Variants in DPH6 observed in about 807,000 individuals in gnomAD.
DPH6 encodes diphthamine biosynthesis 6, also known as diphthine--ammonia ligase.
In DPH6, 33 loss-of-function variants were observed where a neutral mutation model predicts 38.2. The observed-to-expected ratio is 0.86, with a 90% CI of 0.65 to 1.15. DPH6 has a LOEUF of 1.15. Ranked by LOEUF, DPH6 falls within the 50% of genes most tolerant of loss-of-function variation. DPH6 has a pLI of 0.00. For missense variants in DPH6, 325 were observed against 320.0 expected (o/e 1.02, Z -0.12); for synonymous variants, 108 against 103.0 (o/e 1.05, Z -0.30).
chr15:35,333,081 G>A (rs1238969555), intron 3 of DPH6, among the ~76,000 whole-genome samples: 1 of 142,138 alleles, frequency 7.0e-6, no homozygotes, highest in Non-Finnish European at 1.5e-5. Flanking sequence ...AAGAAATGGA[G>A]AATCAGGAAG....
chr15:35,218,201 C>T (rs2051421202), exon 4 of DPH6: 1 of 152,178 alleles, frequency 6.6e-6, no homozygotes, highest in Non-Finnish European at 1.5e-5. Context: ...CAAAAATCCT[C>T]AGACACAATC....
At chr15:35,406,022 G>A (rs1056592086) in intron 6 of DPH6, among the ~76,000 whole-genome samples, 17 of 151,980 alleles carry the variant, frequency 1.1e-4, no homozygotes, top group Middle Eastern at 3.4e-3. Flanking sequence ...CGCACGTATC[G>A]CATGTTTTAA....
intron 3 of DPH6, among the ~76,000 whole-genome samples, chr15:35,349,150 T>A (rs1300431473): frequency 6.6e-6 from 1 of 152,162 alleles, no homozygotes; most frequent in Non-Finnish European, 1.5e-5. Flanking sequence ...CTCTTTTATT[T>A]CTTTTTCTTG....
the DPH6 span, among the ~76,000 whole-genome samples, chr15:35,154,131 T>C: frequency 5.9e-5 from 9 of 152,240 alleles, no homozygotes; most frequent in South Asian, 2.1e-4. Context: ...AGGGTGAAGA[T>C]GGTTAACAGT....
chr15:35,369,996 T>A (rs1037000907), downstream of DPH6, among the ~76,000 whole-genome samples: 7 of 151,838 alleles, frequency 4.6e-5, no homozygotes, highest in Non-Finnish European at 1.0e-4. Context: ...TAATCAAGAC[T>A]GTGGTATTTG....
At chr15:35,299,553 C>A in intron 3 of DPH6, 2 of 504,404 alleles carry the variant, frequency 4.0e-6, no homozygotes, top group East Asian at 4.0e-5. Context: ...TCCGCTGAGT[C>A]CGCGGGGCGC....
chr15:35,449,745 T>G (rs2053907384), intron 5 of DPH6, among the ~76,000 whole-genome samples: 1 of 152,098 alleles, frequency 6.6e-6, no homozygotes. Flanking sequence ...AACTACAGAT[T>G]CACTAAATAA....
At chr15:35,409,192 G>A (rs1032254493) in intron 6 of DPH6, among the ~76,000 whole-genome samples, 2 of 151,790 alleles carry the variant, frequency 1.3e-5, no homozygotes, top group Non-Finnish European at 2.9e-5. Flanking sequence ...TGGTGCTGGG[G>A]TTGGGAGGGA....
intron 4 of DPH6, among the ~76,000 whole-genome samples, chr15:35,452,978 AT>A (rs2053954963): frequency 6.6e-6 from 1 of 152,212 alleles, no homozygotes; most frequent in Non-Finnish European, 1.5e-5. Context: ...CCATAAAAAA[AT>A]AAATCTTAGT....
At chr15:35,492,874 A>G (rs916957360) in intron 3 of DPH6, among the ~76,000 whole-genome samples, 10 of 152,196 alleles carry the variant, frequency 6.6e-5, no homozygotes, top group African/African-American at 2.4e-4. Context: ...TAACTGCTAC[A>G]CTAAAACATC....
chr15:35,363,678 G>T (rs1377484272), intron 3 of DPH6, among the ~76,000 whole-genome samples: 23 of 151,732 alleles, frequency 1.5e-4, no homozygotes, highest in Admixed American at 1.2e-3. Flanking sequence ...TCTGCTAGTT[G>T]CTCTATGTTT....
intron 3 of DPH6, among the ~76,000 whole-genome samples, chr15:35,529,625 C>T (rs544835611): frequency 2.5e-4 from 38 of 152,278 alleles, no homozygotes; most frequent in Admixed American, 9.8e-4. Flanking sequence ...ATTAATTTCT[C>T]TGTATAAGTG....
chr15:35,292,435 T>A (rs1389211820), intron 3 of DPH6, among the ~76,000 whole-genome samples: 1 of 152,198 alleles, frequency 6.6e-6, no homozygotes, highest in Non-Finnish European at 1.5e-5. Flanking sequence ...GCCATGAGAC[T>A]GATACTTCTG....
intron 5 of DPH6, among the ~76,000 whole-genome samples, chr15:35,436,514 C>CAAA (rs1277172991): frequency 0.098 from 12,076 of 123,210 alleles, 1,173 homozygotes; most frequent in Middle Eastern, 0.22. Context: ...CAAAACAAAA[C>CAAA]AAAAAAGGTT....
At chr15:35,400,552 G>A in intron 6 of DPH6, 1 of 303,372 alleles carries the variant, frequency 3.3e-6, no homozygotes, top group East Asian at 6.7e-5. Context: ...AACATGGAAG[G>A]CTGTTTCTGT....
At chr15:35,299,273 G>A (rs536485924) in intron 3 of DPH6, 1 of 1,062,774 alleles carries the variant, frequency 9.4e-7, no homozygotes, top group Non-Finnish European at 1.5e-6. Context: ...GAGCCACCTC[G>A]TTGTAGGTCA....
intron 5 of DPH6, among the ~76,000 whole-genome samples, chr15:35,448,504 A>C (rs1275797823): frequency 2.0e-5 from 3 of 152,190 alleles, no homozygotes; most frequent in Admixed American, 6.5e-5. Context: ...ATACAGACAT[A>C]TATCATTTCA....
At chr15:35,483,474 C>CA (rs372002791) in intron 3 of DPH6, among the ~76,000 whole-genome samples, 1,820 of 123,618 alleles carry the variant, frequency 0.015, 7 homozygotes, top group Middle Eastern at 0.021. Context: ...AAAAAAAAAC[C>CA]AAAAAAAAAA....
intron 5 of DPH6, among the ~76,000 whole-genome samples, chr15:35,435,754 T>C (rs961249765): frequency 6.6e-6 from 1 of 152,130 alleles, no homozygotes; most frequent in African/African-American, 2.4e-5. Context: ...ATCATTTTGG[T>C]GGTCCATACG....
Sources: gnomAD v4.1 joint callset for allele counts (sites outside exome capture counted in the v4.1 genomes callset) on GRCh38, gnomAD v4.1.1 for gene constraint, MANE v1.5 for transcripts, NCBI Gene and HGNC (gene_info 2026-07-23, HGNC 2026-07-21) for gene names.